Variants in STRIP2 observed in about 807,000 individuals in gnomAD.
STRIP2 encodes the protein striatin-interacting protein 2.
STRIP2 carries 84 observed loss-of-function variants against 107.1 expected under a neutral mutation model. The observed-to-expected ratio is 0.78, with a 90% CI of 0.66 to 0.94. The LOEUF (loss-of-function observed/expected upper bound fraction) is 0.94. Ranked by LOEUF, STRIP2 falls within the 40% of genes least tolerant of loss-of-function variation. The pLI is 0.00. For missense variants in STRIP2, 888 were observed against 1,034.2 expected (o/e 0.86, Z 1.94); for synonymous variants, 394 against 400.4 (o/e 0.98, Z 0.19).
chr7:129,459,403 T>C, intron 11 of STRIP2, 114 bp from the exon 12 acceptor site: 1 of 868,370 alleles, frequency 1.2e-6, no homozygotes, highest in African/African-American at 1.6e-5. Flanking sequence ...TCTAGGGTAC[T>C]GGGGGTAGAT....
At chr7:129,467,205 T>G in intron 16 of STRIP2, 145 bp from the exon 17 acceptor site, 1 of 629,790 alleles carries the variant, frequency 1.6e-6, no homozygotes, top group South Asian at 2.1e-5. Flanking sequence ...TCTTCCCATT[T>G]CCCAGACAGG....
intron 3 of STRIP2, among the ~76,000 whole-genome samples, chr7:129,451,254 A>G (rs1798184340): frequency 6.6e-6 from 1 of 152,062 alleles, no homozygotes; most frequent in African/African-American, 2.4e-5. Flanking sequence ...AGGTCCTTTT[A>G]TATTGGGCAT....
intron 3 of STRIP2, 56 bp downstream of exon 3, chr7:129,444,154 C>T: frequency 7.6e-7 from 1 of 1,322,852 alleles, no homozygotes; most frequent in South Asian, 1.2e-5. Context: ...GATATACCAG[C>T]CTGATCTAGT....
chr7:129,449,681 A>G (rs556547005), intron 3 of STRIP2, among the ~76,000 whole-genome samples: 1 of 152,312 alleles, frequency 6.6e-6, no homozygotes, highest in African/African-American at 2.4e-5. Context: ...TTCTTTTCCA[A>G]TAAATGCCCT....
intron 16 of STRIP2, among the ~76,000 whole-genome samples, chr7:129,466,586 TA>T (rs1554381138): frequency 6.6e-6 from 1 of 152,110 alleles, no homozygotes; most frequent in Non-Finnish European, 1.5e-5. Flanking sequence ...GTATCATGGG[TA>T]ACATAACCCC....
At chr7:129,438,007 G>A (rs941830043) in intron 1 of STRIP2, among the ~76,000 whole-genome samples, 5 of 152,010 alleles carry the variant, frequency 3.3e-5, no homozygotes, top group South Asian at 4.1e-4. Context: ...GGGTTTCACC[G>A]TGTTAGCCAG....
chr7:129,455,208 C>T (rs373210698), intron 7 of STRIP2, 36 bp from the exon 8 acceptor site: 1 of 1,585,086 alleles, frequency 6.3e-7, no homozygotes, highest in Non-Finnish European at 8.6e-7. Context: ...GCTGCCTCAT[C>T]CTCACTTTCT....
chr7:129,458,715 G>A lies in STRIP2; in HGVS notation c.1278G>A (p.Gln426=). Reference sequence around the variant, plus strand: ...GGTCTTTCCACCATCCTCTCAGACAGAAGGACATTGAGCACTTCTTGGAGA... The same window carrying A: ...GGTCTTTCCACCATCCTCTCAGACAAAAGGACATTGAGCACTTCTTGGAGA... The part of the protein sequence containing the change: ...KGLPWAPKVR[Q]KDIEHFLEMS... The change falls in exon 11 of 21, where the codon CAG becomes CAA. Residue 426 remains glutamine (Q), a synonymous_variant. Transcript: ENST00000249344. This position sits in a 1 kb window ranked among gnomAD's most constrained non-coding sequence, Gnocchi z 4.6. 1 of 1,614,160 alleles carries A rather than the reference G, an allele frequency of 6.2e-7. No individual in the cohort carries two copies. The highest frequency in any genetic ancestry group is 8.5e-7 in the Non-Finnish European group (1 of 1,180,018).
chr7:129,438,082 G>A (rs1797798267), intron 1 of STRIP2, among the ~76,000 whole-genome samples: 1 of 152,216 alleles, frequency 6.6e-6, no homozygotes, highest in African/African-American at 2.4e-5. Context: ...TGGGATTACA[G>A]GCGTGAGCCA....
chr7:129,482,292 G>C lies in STRIP2; in HGVS notation c.2050-550G>C, dbSNP rs143786697. 9.8e-4 allele frequency among the ~76,000 whole-genome samples: 146 copies of C among 148,630 alleles called. 1 individual carries two copies. The highest frequency in any genetic ancestry group is 3.6e-3 in the African/African-American group (143 of 40,258). ...CTTTTCACTTTATACCATATGCTTT[G>C]AATATTGAAAACTTTGAACAATAAA... is the stretch of plus-strand genomic sequence containing the variant. On this transcript the variant is annotated intron_variant, in intron 19 of 20. Coordinates refer to ENST00000249344, the MANE Select transcript of STRIP2 (RefSeq NM_020704.3).
rs1013948413 is a variant in STRIP2, at chr7:129,476,938, C to T, written c.1945-3847C>T. On this transcript the variant is annotated intron_variant, in intron 18 of 20. Transcript: ENST00000249344. ...CTGCAATCCCGGCACCTCGGGAGAC[C>T]GAGGCTGGCAGATCACTCGCGGTTA... Among the ~76,000 whole-genome samples the T allele has an allele frequency of 4.6e-5, 7 of 151,350 alleles. 1 individual carries two copies. Among genetic ancestry groups the T allele is most frequent in the Admixed American group, 4.0e-4 (6 of 15,168 alleles).
chr7:129,484,549 C>T (rs1359706713), intron 20 of STRIP2: 1 of 152,082 alleles, frequency 6.6e-6, no homozygotes, highest in African/African-American at 2.4e-5. Flanking sequence ...AGATGGTTTT[C>T]CCAGGACAAG....
At chr7:129,476,520 G>C (rs1035737282) in intron 18 of STRIP2, among the ~76,000 whole-genome samples, 2 of 150,606 alleles carry the variant, frequency 1.3e-5, no homozygotes, top group Admixed American at 6.6e-5. Flanking sequence ...AGGCAGAGAC[G>C]CTCCTCAGCT....
At chr7:129,444,254 A>G (rs893242345) in intron 3 of STRIP2, among the ~76,000 whole-genome samples, 156 bp downstream of exon 3, 1 of 152,150 alleles carries the variant, frequency 6.6e-6, no homozygotes, top group Non-Finnish European at 1.5e-5. Flanking sequence ...AAATAGATAG[A>G]TATATATAAA....
At chr7:129,473,764 C>T (rs1241367534) in intron 18 of STRIP2, among the ~76,000 whole-genome samples, 1 of 152,070 alleles carries the variant, frequency 6.6e-6, no homozygotes, top group African/African-American at 2.4e-5. Flanking sequence ...GTCGGCCAGG[C>T]TGGAGTGCAG....
At chr7:129,455,894 A>C (rs1798334081) in intron 8 of STRIP2, among the ~76,000 whole-genome samples, 1 of 152,096 alleles carries the variant, frequency 6.6e-6, no homozygotes, top group Non-Finnish European at 1.5e-5. Flanking sequence ...TTGGCTTCCC[A>C]AAATGTTGGG....
At chr7:129,455,787 A>T (rs1389325303) in intron 8 of STRIP2, among the ~76,000 whole-genome samples, 5 of 149,250 alleles carry the variant, frequency 3.4e-5, no homozygotes, top group African/African-American at 7.4e-5. Context: ...GAGGTTTTGT[A>T]TTTTTTTTTT....
rs1211860067 is a variant in STRIP2 at position 129,461,424 on chromosome 7, T to C, written c.1476+1052T>C. ...GAGGGAGTAGAGACAAAGAAGAGAA[T>C]GGAAGGCAGGACAAAGCCCTGGGGC... On this transcript the variant is annotated intron_variant, in intron 13 of 20. Coordinates refer to ENST00000249344, the MANE Select transcript of STRIP2 (RefSeq NM_020704.3). This position sits in a 1 kb window ranked among gnomAD's most constrained non-coding sequence, Gnocchi z 4.0. Among the ~76,000 whole-genome samples the C allele has an allele frequency of 1.3e-5, 2 of 151,572 alleles. No homozygotes were observed. Among genetic ancestry groups the C allele is most frequent in the Non-Finnish European group, 2.9e-5 (2 of 67,888 alleles).
chr7:129,449,291 T>C (rs1798119167), intron 3 of STRIP2, among the ~76,000 whole-genome samples: 1 of 152,160 alleles, frequency 6.6e-6, no homozygotes, highest in Non-Finnish European at 1.5e-5. Flanking sequence ...CAAATAGTTC[T>C]TTTTGAGTGT....
Sources: gnomAD v4.1 joint callset for allele counts (sites outside exome capture counted in the v4.1 genomes callset) on GRCh38, gnomAD v4.1.1 for gene constraint, Gnocchi (gnomAD v3.1) non-coding constraint, MANE v1.5 for transcripts, NCBI Gene and HGNC (gene_info 2026-07-23, HGNC 2026-07-21) for gene names.